The following FAM81A variants were observed in gnomAD, a reference collection of about 807,000 sequenced individuals.
FAM81A encodes the protein family with sequence similarity 81 member A.
Under a neutral mutation model 46.7 loss-of-function variants are expected in FAM81A, and 19 were observed. That is an observed-to-expected ratio of 0.41 (90% CI 0.28 to 0.60). The LOEUF is 0.60. Among genes scored for constraint, FAM81A ranks in the 20% least tolerant of loss-of-function variants. The probability of loss-of-function intolerance (pLI) is 0.34; values close to 1 mark genes in which losing one functional copy is unlikely to be tolerated. For missense variants in FAM81A, 377 were observed against 453.5 expected, an observed-to-expected ratio of 0.83 and a Z score of 1.53; for synonymous variants, 183 against 152.9, an observed-to-expected ratio of 1.20 and a Z score of -1.45.
chr15:59,503,939 T>C (rs2082122985), intron 4 of FAM81A, among the ~76,000 whole-genome samples: 1 of 152,224 alleles, frequency 6.6e-6, no homozygotes, highest in South Asian at 2.1e-4. Flanking sequence ...GACACAGCAT[T>C]GAAGCCAAGT....
intron 3 of FAM81A, among the ~76,000 whole-genome samples, chr15:59,472,443 T>G (rs1334150493): frequency 1.3e-5 from 2 of 152,202 alleles, no homozygotes; most frequent in Non-Finnish European, 2.9e-5. Context: ...CCACTTTGCC[T>G]GCGGGATACT....
chr15:59,405,813 T>C (rs887571099), intron 2 of FAM81A, among the ~76,000 whole-genome samples: 1 of 152,116 alleles, frequency 6.6e-6, no homozygotes, highest in Non-Finnish European at 1.5e-5. Context: ...CTCATTTTGC[T>C]CCCAATAGTC....
chr15:59,504,649 G>T (rs573075011), intron 4 of FAM81A, among the ~76,000 whole-genome samples: 2 of 152,220 alleles, frequency 1.3e-5, no homozygotes, highest in East Asian at 3.9e-4. Flanking sequence ...ACATTCATTA[G>T]TAACTTTTTC....
chr15:59,492,758 C>T (rs530259449), intron 4 of FAM81A, among the ~76,000 whole-genome samples: 21 of 152,140 alleles, frequency 1.4e-4, no homozygotes, highest in African/African-American at 4.6e-4. Flanking sequence ...ATTTTATTTT[C>T]GGAAAGTATT....
At chr15:59,457,274 C>T (rs529645593) in intron 1 of FAM81A, among the ~76,000 whole-genome samples, 22 of 152,326 alleles carry the variant, frequency 1.4e-4, no homozygotes, top group South Asian at 2.1e-4. Flanking sequence ...CTGCCCAGAA[C>T]GGGAATCATC....
intron 2 of FAM81A, among the ~76,000 whole-genome samples, chr15:59,429,770 G>C (rs555504380): frequency 6.6e-6 from 1 of 152,318 alleles, no homozygotes; most frequent in East Asian, 1.9e-4. Context: ...AGTTGAATCA[G>C]TATCAATTAG....
At chr15:59,486,415 A>C (rs2081917754) in intron 3 of FAM81A, among the ~76,000 whole-genome samples, 1 of 152,168 alleles carries the variant, frequency 6.6e-6, no homozygotes. Context: ...CAAAAGGACA[A>C]ATCTAAAAGT....
rs557034452 is a variant in FAM81A, at chr15:59,407,834, T to C, written c.-78+5476T>C. Reference sequence around the variant, plus strand: ...AGCCTCTGCTTCTTCTCTTGCTTTGTCTCTGGTCTGTACTAGTGGGCCAGC... The same window carrying C: ...AGCCTCTGCTTCTTCTCTTGCTTTGCCTCTGGTCTGTACTAGTGGGCCAGC... On this transcript the variant is annotated intron_variant, in intron 2 of 4. Coordinates refer to the FAM81A transcript ENST00000558348. 9 of 252,296 alleles carry C rather than the reference T, an allele frequency of 3.6e-5. No individual in the cohort carries two copies. In the Admixed American group the frequency reaches 4.8e-4, roughly 13 times the overall value. The allele number at this position is 252,296 out of a possible 1,614,324, so 15.6% of individuals were successfully genotyped here.
chr15:59,450,107 T>TTTC (rs1440844718), intron 1 of FAM81A, among the ~76,000 whole-genome samples: 2 of 144,010 alleles, frequency 1.4e-5, no homozygotes, highest in African/African-American at 2.6e-5. Context: ...TTCTTTCTTT[T>TTTC]TTTTTTTTTT....
At chr15:59,446,441 C>T (rs1457605036) in intron 1 of FAM81A, 1 of 152,250 alleles carries the variant, frequency 6.6e-6, no homozygotes, top group Non-Finnish European at 1.5e-5. Flanking sequence ...GATTGGCCGC[C>T]TCCCTTCAGT....
chr15:59,510,891 T>C (rs2082201270), intron 6 of FAM81A, among the ~76,000 whole-genome samples: 1 of 142,718 alleles, frequency 7.0e-6, no homozygotes, highest in Admixed American at 7.1e-5. Context: ...TTCGCGCCCA[T>C]AATCCCAGCA....
intron 1 of FAM81A, chr15:59,401,854 G>A: frequency 2.7e-6 from 2 of 746,902 alleles, no homozygotes; most frequent in Non-Finnish European, 4.9e-6. Flanking sequence ...CCCTGTTTAT[G>A]GTAAGGCTTA....
intron 6 of FAM81A, among the ~76,000 whole-genome samples, chr15:59,512,777 C>T (rs1050479351): frequency 4.6e-5 from 7 of 152,144 alleles, no homozygotes; most frequent in Non-Finnish European, 5.9e-5. Flanking sequence ...GTGGTTTTTC[C>T]AAGGCTCCAG....
chr15:59,478,752 G>T (rs1315537392), intron 3 of FAM81A, among the ~76,000 whole-genome samples: 1 of 73,230 alleles, frequency 1.4e-5, no homozygotes, highest in African/African-American at 4.2e-5. Flanking sequence ...ATTCAGTTCT[G>T]TTGACAGAGG....
At chr15:59,411,261 A>G (rs933185998) in intron 2 of FAM81A, among the ~76,000 whole-genome samples, 6 of 152,158 alleles carry the variant, frequency 3.9e-5, no homozygotes, top group Non-Finnish European at 8.8e-5. Flanking sequence ...GGGGCAGAGG[A>G]TGCCTGCTGG....
chr15:59,470,099 C>T (rs2081666037), intron 3 of FAM81A, among the ~76,000 whole-genome samples: 1 of 152,140 alleles, frequency 6.6e-6, no homozygotes, highest in East Asian at 1.9e-4. Context: ...ATGGACTTAC[C>T]TTTATGGGTA....
At chr15:59,519,097 A>G (rs1159654211) in intron 8 of FAM81A, among the ~76,000 whole-genome samples, 2 of 151,880 alleles carry the variant, frequency 1.3e-5, no homozygotes, top group Admixed American at 1.3e-4. Flanking sequence ...CATATCAGCA[A>G]TTTGTATCTT....
At chr15:59,474,069 C>T (rs1032247010) in intron 3 of FAM81A, among the ~76,000 whole-genome samples, 4 of 152,310 alleles carry the variant, frequency 2.6e-5, no homozygotes, top group Middle Eastern at 3.4e-3. Flanking sequence ...CTTGCCAGTT[C>T]CTCTCATGCC....
At chr15:59,422,148 A>G (rs148328657) in intron 2 of FAM81A, among the ~76,000 whole-genome samples, 1,553 of 152,194 alleles carry the variant, frequency 0.01, 20 homozygotes, top group African/African-American at 0.032. Flanking sequence ...GCACTTTGGG[A>G]GTCCGAGGCA....
Sources: gnomAD v4.1 joint callset for allele counts (sites outside exome capture counted in the v4.1 genomes callset) on GRCh38, gnomAD v4.1.1 for gene constraint, MANE v1.5 for transcripts, NCBI Gene and HGNC (gene_info 2026-07-23, HGNC 2026-07-21) for gene names.